SUCLA2: variants seen among roughly 807,000 people sequenced by gnomAD.
SUCLA2 encodes the protein succinate--CoA ligase [ADP-forming] subunit beta, mitochondrial.
SUCLA2 carries 30 observed loss-of-function variants against 54.8 expected under a neutral mutation model. That is an observed-to-expected ratio of 0.55 (90% CI 0.41 to 0.74). The LOEUF (loss-of-function observed/expected upper bound fraction) is 0.74, where lower values mean the gene tolerates loss of function less well. SUCLA2 is among the 30% of genes least tolerant of loss of function. The probability of loss-of-function intolerance (pLI) is 0.00; values close to 1 mark genes in which losing one functional copy is unlikely to be tolerated. For missense variants in SUCLA2, 476 were observed against 562.9 expected, an observed-to-expected ratio of 0.85 and a Z score of 1.56; for synonymous variants, 172 against 188.9, an observed-to-expected ratio of 0.91 and a Z score of 0.74.
intron 6 of SUCLA2, among the ~76,000 whole-genome samples, chr13:47,959,580 AG>A (rs1459979305): frequency 6.6e-6 from 1 of 151,856 alleles, no homozygotes; most frequent in Non-Finnish European, 1.5e-5. Flanking sequence ...GAGGAGGAAG[AG>A]GAAAAAAATC....
chr13:47,983,125 A>T (rs1950072518), intron 4 of SUCLA2, among the ~76,000 whole-genome samples: 1 of 152,348 alleles, frequency 6.6e-6, no homozygotes, highest in African/African-American at 2.4e-5. Context: ...TATAAAAAAA[A>T]AACTTTTTTA....
rs200781268 is a variant in SUCLA2 at position 47,949,465 on chromosome 13, G to A, written c.1228+18C>T. ...TTTAAAGAATTAGGAACAACTGCAA[G>A]ATACCTTTTATACTCACCTTGTAAC... On this transcript the variant is annotated intron_variant, in intron 9 of 10. Transcript: ENST00000646932. The A allele has an allele frequency of 1.9e-6, 3 of 1,613,154 alleles. No homozygotes were observed. The highest frequency in any genetic ancestry group is 1.3e-5 in the African/African-American group (1 of 74,994).
chr13:47,981,767 C>T (rs1336065110), intron 4 of SUCLA2, among the ~76,000 whole-genome samples: 2 of 152,136 alleles, frequency 1.3e-5, no homozygotes, highest in Non-Finnish European at 2.9e-5. Flanking sequence ...GAGCCGAGAT[C>T]GCACCACTGC....
intron 6 of SUCLA2, among the ~76,000 whole-genome samples, chr13:47,967,680 A>G (rs1002573085): frequency 1.5e-5 from 1 of 68,518 alleles, no homozygotes; most frequent in African/African-American, 3.8e-5. Context: ...ATCTCTACTA[A>G]AAACACAAAA....
In SUCLA2 at chr13:47,988,979, A is replaced by C. The variant is rs764915250; in HGVS notation, c.274T>G (p.Ser92Ala). The change falls in exon 3 of 11, where the codon TCA (serine) becomes GCA (alanine). Residue 92 changes from serine (S) to alanine (A), a missense_variant and splice_region_variant. Around this residue, in one of 2 missense-constraint regions of SUCLA2, gnomAD observed 134 missense variants for 118.7 expected, o/e 1.13. Coordinates refer to ENST00000646932, the MANE Select transcript of SUCLA2 (RefSeq NM_003850.3). ...EAYAIAKKLG[S>A]KDVVIKAQVL... ...TGTGCCTTTATCACGACATCTTTTG[A>C]ACCTAGAAGAAAAACACTTCTATTA... 5.6e-6 allele frequency: 9 copies of C among 1,613,184 alleles called. No homozygotes were observed. In the Admixed American group the frequency reaches 8.3e-5, roughly 15 times the overall value.
At chr13:47,947,992 AAG>A (rs2137686000) in intron 10 of SUCLA2, among the ~76,000 whole-genome samples, 1 of 152,340 alleles carries the variant, frequency 6.6e-6, no homozygotes, top group East Asian at 1.9e-4. Flanking sequence ...CAAAAGATAT[AAG>A]AGACTCAGAA....
At chr13:47,980,257 A>T (rs1318549121) in intron 4 of SUCLA2, among the ~76,000 whole-genome samples, 1 of 152,130 alleles carries the variant, frequency 6.6e-6, no homozygotes, top group East Asian at 1.9e-4. Context: ...TCCACTAAAA[A>T]TACAAAAATT....
At chr13:47,981,843 G>T (rs1033266061) in intron 4 of SUCLA2, among the ~76,000 whole-genome samples, 1 of 151,768 alleles carries the variant, frequency 6.6e-6, no homozygotes, top group Non-Finnish European at 1.5e-5. Context: ...AAATTAGCAG[G>T]GTGTGGTGGT....
chr13:47,999,656 A>C (rs936291172), intron 1 of SUCLA2, among the ~76,000 whole-genome samples: 8 of 151,794 alleles, frequency 5.3e-5, no homozygotes, highest in African/African-American at 1.9e-4. Context: ...GCAGTGAGCC[A>C]AGATCGCGCC....
chr13:47,965,417 A>T (rs551099934), intron 6 of SUCLA2, among the ~76,000 whole-genome samples: 1 of 150,962 alleles, frequency 6.6e-6, no homozygotes, highest in East Asian at 1.9e-4. Context: ...ACTATGAAGG[A>T]AAAAAAAACC....
At chr13:47,997,238 T>C (rs1253010279) in intron 1 of SUCLA2, among the ~76,000 whole-genome samples, 1 of 151,994 alleles carries the variant, frequency 6.6e-6, no homozygotes, top group Admixed American at 6.6e-5. Flanking sequence ...ATCATCTCTA[T>C]TCCTTATTTC....
chr13:47,957,085 T>A (rs1179708548), intron 6 of SUCLA2, among the ~76,000 whole-genome samples: 7 of 152,178 alleles, frequency 4.6e-5, no homozygotes, highest in Non-Finnish European at 7.3e-5. Flanking sequence ...ACTCACCAGA[T>A]CACCACATCC....
intron 9 of SUCLA2, 61 bp from the exon 10 acceptor site, chr13:47,949,089 G>C: frequency 6.5e-7 from 1 of 1,539,174 alleles, no homozygotes; most frequent in South Asian, 1.1e-5. Flanking sequence ...ATTTTAAAAT[G>C]TTTGCCAAAA....
chr13:47,995,765 G>T (rs1814628638), intron 2 of SUCLA2, among the ~76,000 whole-genome samples: 1 of 152,148 alleles, frequency 6.6e-6, no homozygotes. Context: ...AAACTGCAGT[G>T]TATAGCTAGT....
chr13:47,975,783 G>T (rs8002482), intron 4 of SUCLA2, among the ~76,000 whole-genome samples: 142,446 of 152,250 alleles, frequency 0.94, 66,663 homozygotes, highest in East Asian at 1. Flanking sequence ...CCAAGGAGCC[G>T]CATGGTGGGC....
chr13:47,950,099 G>T (rs1465562594), intron 8 of SUCLA2, among the ~76,000 whole-genome samples: 1 of 152,230 alleles, frequency 6.6e-6, no homozygotes, highest in Non-Finnish European at 1.5e-5. Flanking sequence ...GCCTTCTGCA[G>T]CAAGGTCAAG....
chr13:47,972,394 C>T (rs1053919935), intron 5 of SUCLA2, among the ~76,000 whole-genome samples: 1 of 152,030 alleles, frequency 6.6e-6, no homozygotes, highest in Non-Finnish European at 1.5e-5. Flanking sequence ...GTTGGCTGGG[C>T]GCGCTGGCTC....
chr13:47,990,273 G>A (rs1453719807), intron 2 of SUCLA2, among the ~76,000 whole-genome samples: 4 of 152,130 alleles, frequency 2.6e-5, no homozygotes, highest in Non-Finnish European at 4.4e-5. Flanking sequence ...ACTTGAATCC[G>A]GGAGGCGGAG....
At chr13:47,999,882 T>C (rs1756038684) in intron 1 of SUCLA2, among the ~76,000 whole-genome samples, 1 of 152,084 alleles carries the variant, frequency 6.6e-6, no homozygotes, top group Admixed American at 6.6e-5. Context: ...AGACAGCAAC[T>C]GTTATAAAGA....
Sources: gnomAD v4.1 joint callset for allele counts (sites outside exome capture counted in the v4.1 genomes callset) on GRCh38, gnomAD v4.1.1 for gene constraint, gnomAD v4.1.1 regional missense constraint, MANE v1.5 for transcripts, NCBI Gene and HGNC (gene_info 2026-07-23, HGNC 2026-07-21) for gene names.